THEMIS: variants seen among roughly 807,000 people sequenced by gnomAD.
THEMIS encodes protein THEMIS.
In THEMIS, 37 loss-of-function variants were observed where a neutral mutation model predicts 52.6. The observed-to-expected ratio is 0.70, with a 90% CI of 0.54 to 0.93. The LOEUF (loss-of-function observed/expected upper bound fraction) is 0.93, where lower values mean the gene tolerates loss of function less well. THEMIS is among the 40% of genes least tolerant of loss of function. The probability of loss-of-function intolerance (pLI) is 0.00; values close to 1 mark genes in which losing one functional copy is unlikely to be tolerated. For synonymous variants in THEMIS, 292 were observed against 272.7 expected, an observed-to-expected ratio of 1.07 and a Z score of -0.70; for missense variants, 808 against 763.1, an observed-to-expected ratio of 1.06 and a Z score of -0.69.
intron 4 of THEMIS, among the ~76,000 whole-genome samples, chr6:127,809,939 T>C (rs1777844404): frequency 6.6e-6 from 1 of 151,234 alleles, no homozygotes; most frequent in East Asian, 1.9e-4. Context: ...CTTTAACAGC[T>C]CCTTACAAAC....
intron 4 of THEMIS, among the ~76,000 whole-genome samples, chr6:127,811,069 A>T (rs1035908480): frequency 6.6e-6 from 1 of 152,014 alleles, no homozygotes; most frequent in African/African-American, 2.4e-5. Flanking sequence ...AAAAAAACCA[A>T]CAACAACAAC....
At chr6:127,870,265 C>G (rs1246698786) in intron 1 of THEMIS, among the ~76,000 whole-genome samples, 1 of 152,134 alleles carries the variant, frequency 6.6e-6, no homozygotes, top group African/African-American at 2.4e-5. Context: ...TGCTCGTACC[C>G]CTCCCAACAT....
rs918886186 is a variant in THEMIS at position 127,852,011 on chromosome 6, C to T, written c.250+3019G>A. ...AAATTATAATCATGTCATCATACGT[C>T]GGGGACTGTCTGTAGTTTGAAAGTA... On this transcript the variant is annotated intron_variant, in intron 2 of 5. Coordinates refer to ENST00000368248, the MANE Select transcript of THEMIS (RefSeq NM_001010923.3). Among the ~76,000 whole-genome samples the T allele has an allele frequency of 1.6e-4, 24 of 151,450 alleles. 1 individual carries two copies. Among genetic ancestry groups the T allele is most frequent in the Admixed American group, 1.4e-3 (21 of 15,154 alleles).
At chr6:127,872,581 C>T (rs1780190480) in intron 1 of THEMIS, among the ~76,000 whole-genome samples, 1 of 151,896 alleles carries the variant, frequency 6.6e-6, no homozygotes, top group Admixed American at 6.6e-5. Context: ...AAACAAAAAA[C>T]TCTCAGAAAA....
At chr6:127,753,787 G>C (rs185470106) in intron 4 of THEMIS, among the ~76,000 whole-genome samples, 217 of 152,048 alleles carry the variant, frequency 1.4e-3, no homozygotes, top group Middle Eastern at 6.8e-3. Context: ...AGGATACAAA[G>C]TTTCATTTTG....
At chr6:127,841,272 C>T (rs1240827600) in intron 2 of THEMIS, among the ~76,000 whole-genome samples, 1 of 151,960 alleles carries the variant, frequency 6.6e-6, no homozygotes, top group Non-Finnish European at 1.5e-5. Flanking sequence ...CAAAATGTAA[C>T]TGTGTATAAT....
At chr6:127,824,112 G>A (rs1486591971) in intron 3 of THEMIS, among the ~76,000 whole-genome samples, 2 of 152,082 alleles carry the variant, frequency 1.3e-5, no homozygotes, top group African/African-American at 4.8e-5. Flanking sequence ...TCTGAAGAAT[G>A]GTTAAACCCA....
At chr6:127,730,157 C>G (rs1774714840) in intron 4 of THEMIS, among the ~76,000 whole-genome samples, 1 of 151,744 alleles carries the variant, frequency 6.6e-6, no homozygotes, top group Non-Finnish European at 1.5e-5. Flanking sequence ...GTCCCAGCTA[C>G]TCAGGAAGCT....
intron 1 of THEMIS, among the ~76,000 whole-genome samples, chr6:127,871,902 A>T (rs929430454): frequency 6.6e-6 from 1 of 152,184 alleles, no homozygotes; most frequent in African/African-American, 2.4e-5. Flanking sequence ...ATTCTAGATA[A>T]TCTCTTTCAG....
At chr6:127,798,991 C>CAAA (rs760389708) in intron 4 of THEMIS, among the ~76,000 whole-genome samples, 7,640 of 71,342 alleles carry the variant, frequency 0.11, 248 homozygotes, top group Non-Finnish European at 0.14. Flanking sequence ...GACTCCGTCT[C>CAAA]AAAAAAAAAA....
At chr6:127,841,257 A>G (rs976591693) in intron 2 of THEMIS, among the ~76,000 whole-genome samples, 5 of 152,116 alleles carry the variant, frequency 3.3e-5, no homozygotes, top group Admixed American at 2.0e-4. Context: ...AAACCTCTAA[A>G]TCCCCAAAAT....
intron 4 of THEMIS, among the ~76,000 whole-genome samples, chr6:127,806,897 A>G (rs1350968101): frequency 6.6e-6 from 1 of 152,216 alleles, no homozygotes; most frequent in Non-Finnish European, 1.5e-5. Context: ...CTTTCAACCC[A>G]GCACTTCCTT....
the THEMIS span, among the ~76,000 whole-genome samples, chr6:127,702,857 T>C: frequency 1.3e-5 from 2 of 151,910 alleles, no homozygotes; most frequent in Admixed American, 6.6e-5. Flanking sequence ...TCAGATCTTG[T>C]GAGACGTATT....
intron 3 of THEMIS, among the ~76,000 whole-genome samples, chr6:127,821,533 G>GTGAAAAACAGGAA (rs1418282967): frequency 6.6e-6 from 1 of 152,084 alleles, no homozygotes; most frequent in Non-Finnish European, 1.5e-5. Flanking sequence ...GGGAGCTCCT[G>GTGAAAAACAGGAA]TGAAAAACAA....
chr6:127,810,511 C>G (rs1451013937), intron 4 of THEMIS, among the ~76,000 whole-genome samples: 1 of 152,072 alleles, frequency 6.6e-6, no homozygotes, highest in Non-Finnish European at 1.5e-5. Context: ...CCCACTTCTG[C>G]TTTGTGACAA....
At chr6:127,717,899 G>A (rs377316105) in intron 5 of THEMIS, among the ~76,000 whole-genome samples, 3 of 151,382 alleles carry the variant, frequency 2.0e-5, no homozygotes, top group African/African-American at 7.3e-5. Context: ...TTTAGGAAAT[G>A]ACTGACTTAT....
intron 4 of THEMIS, among the ~76,000 whole-genome samples, chr6:127,771,516 C>G (rs1166571134): frequency 6.6e-6 from 1 of 152,140 alleles, no homozygotes; most frequent in African/African-American, 2.4e-5. Flanking sequence ...TCAAACTATA[C>G]TACAAGGCTA....
chr6:127,785,126 C>G (rs1446414404), intron 4 of THEMIS, among the ~76,000 whole-genome samples: 1 of 151,808 alleles, frequency 6.6e-6, no homozygotes, highest in Non-Finnish European at 1.5e-5. Context: ...AATCTATTAT[C>G]TACCTACCTA....
intron 4 of THEMIS, among the ~76,000 whole-genome samples, chr6:127,772,396 T>C (rs531596922): frequency 7.2e-5 from 11 of 152,112 alleles, no homozygotes; most frequent in African/African-American, 2.4e-4. Context: ...GTGTATTTAT[T>C]GGTTATTTAG....
Sources: allele counts gnomAD v4.1 joint callset (sites outside exome capture counted in the v4.1 genomes callset), GRCh38; gene constraint gnomAD v4.1.1; transcripts MANE v1.5; gene names NCBI Gene and HGNC (gene_info 2026-07-23, HGNC 2026-07-21).